Variants in UNC5D observed in about 807,000 individuals in gnomAD.
UNC5D encodes netrin receptor UNC5D.
UNC5D carries 39 observed loss-of-function variants against 105.4 expected under a neutral mutation model. That is an observed-to-expected ratio of 0.37 (90% CI 0.29 to 0.48). The LOEUF (loss-of-function observed/expected upper bound fraction) is 0.48, where lower values mean the gene tolerates loss of function less well. UNC5D is among the 20% of genes least tolerant of loss of function. The pLI is 0.98. For synonymous variants in UNC5D, 452 were observed against 450.4 expected, an observed-to-expected ratio of 1.00 and a Z score of -0.04; for missense variants, 991 against 1,202.4, an observed-to-expected ratio of 0.82 and a Z score of 2.60.
chr8:35,648,455 G>A (rs1204104345), intron 4 of UNC5D, among the ~76,000 whole-genome samples: 1 of 152,076 alleles, frequency 6.6e-6, no homozygotes, highest in Admixed American at 6.5e-5. Flanking sequence ...AAGGTGGGCA[G>A]ATCACCTGAG....
At chr8:35,306,223 G>A (rs1007290095) in intron 1 of UNC5D, among the ~76,000 whole-genome samples, 2 of 151,974 alleles carry the variant, frequency 1.3e-5, no homozygotes, top group Non-Finnish European at 2.9e-5. Context: ...ATGTGTGTGT[G>A]TGTGTGCGCG....
chr8:35,722,962 G>A (rs1468813176), intron 9 of UNC5D, among the ~76,000 whole-genome samples: 1 of 151,260 alleles, frequency 6.6e-6, no homozygotes, highest in Non-Finnish European at 1.5e-5. Flanking sequence ...TGTGGGGGAA[G>A]GAAAATCTAT....
chr8:35,331,648 C>T (rs944375041), intron 1 of UNC5D, among the ~76,000 whole-genome samples: 1 of 152,108 alleles, frequency 6.6e-6, no homozygotes, highest in Non-Finnish European at 1.5e-5. Context: ...ACACAGAAAT[C>T]TTTTTAATGT....
chr8:35,677,080 A>G (rs1181126460), intron 4 of UNC5D, among the ~76,000 whole-genome samples: 1 of 152,130 alleles, frequency 6.6e-6, no homozygotes, highest in African/African-American at 2.4e-5. Flanking sequence ...GTGGCTACAC[A>G]TTTACACAGG....
chr8:35,406,056 T>A lies in UNC5D; in HGVS notation c.104-143236T>A, dbSNP rs542125440. On this transcript the variant is annotated intron_variant, in intron 1 of 16. Transcript: ENST00000404895. ...ATTATGGACTACAAATAACTAAATG[T>A]GTTTAATGAGATTCTTTGATTTTTC... Among the ~76,000 whole-genome samples, 5 of 152,312 alleles carry A rather than the reference T, an allele frequency of 3.3e-5. No homozygotes were observed. The East Asian group carries it at 9.7e-4, about 29-fold the overall frequency.
chr8:35,347,788 T>C (rs141450592), intron 1 of UNC5D, among the ~76,000 whole-genome samples: 1 of 152,094 alleles, frequency 6.6e-6, no homozygotes, highest in East Asian at 1.9e-4. Context: ...TGTATGAGAA[T>C]TTTAACTCTG....
intron 3 of UNC5D, among the ~76,000 whole-genome samples, chr8:35,592,803 G>C (rs1196589312): frequency 6.6e-6 from 1 of 152,058 alleles, no homozygotes; most frequent in African/African-American, 2.4e-5. Flanking sequence ...TAGTGCCCTA[G>C]TTGTTCCCTG....
chr8:35,394,041 CT>C (rs1030034182), intron 1 of UNC5D, among the ~76,000 whole-genome samples: 3 of 149,824 alleles, frequency 2.0e-5, no homozygotes, highest in East Asian at 2.0e-4. Flanking sequence ...TATCTTTTTC[CT>C]TTTTTTTCTC....
chr8:35,257,920 T>C (rs761094294), intron 1 of UNC5D, among the ~76,000 whole-genome samples: 19 of 152,260 alleles, frequency 1.2e-4, no homozygotes, highest in Non-Finnish European at 2.5e-4. Flanking sequence ...TCTAAATTTA[T>C]TCATTTTCAA....
intron 4 of UNC5D, among the ~76,000 whole-genome samples, chr8:35,646,772 A>C (rs1253553611): frequency 6.6e-6 from 1 of 152,132 alleles, no homozygotes; most frequent in Non-Finnish European, 1.5e-5. Context: ...TTAATCATAA[A>C]TATGTTTCCA....
chr8:35,587,212 G>A (rs1022455413), intron 3 of UNC5D, among the ~76,000 whole-genome samples: 1 of 152,154 alleles, frequency 6.6e-6, no homozygotes, highest in Non-Finnish European at 1.5e-5. Flanking sequence ...ACAGGGTGAT[G>A]TGGTGAAGAA....
chr8:35,248,108 TA>T lies in UNC5D; in HGVS notation c.103+12227del, dbSNP rs1439900384. ...ATAATATATAAATATATATTATATA[TA>T]AAAAATATAATATATAAATATATAT... On this transcript the variant is annotated intron_variant, in intron 1 of 16. Coordinates refer to ENST00000404895, the MANE Select transcript of UNC5D (RefSeq NM_080872.4). Among the ~76,000 whole-genome samples the T allele has an allele frequency of 1.4e-4, 9 of 63,024 alleles. 1 individual carries two copies. Among genetic ancestry groups the T allele is most frequent in the South Asian group, 5.6e-4 (1 of 1,784 alleles). 41.3% of individuals were successfully genotyped at this position (63,024 alleles called of 152,430 possible). A position where few individuals can be genotyped will look rare whatever the true frequency, so the allele number is the denominator to read the frequency against.
chr8:35,459,982 G>A (rs540924117), intron 1 of UNC5D, among the ~76,000 whole-genome samples: 14 of 152,250 alleles, frequency 9.2e-5, no homozygotes, highest in Admixed American at 2.0e-4. Flanking sequence ...TCGGCTCCAC[G>A]ATTCATCATC....
chr8:35,396,929 T>C (rs976195784), intron 1 of UNC5D, among the ~76,000 whole-genome samples: 1 of 152,050 alleles, frequency 6.6e-6, no homozygotes, highest in African/African-American at 2.4e-5. Flanking sequence ...TTTTTTGTTA[T>C]TTTGAGATGG....
chr8:35,533,581 C>G (rs549084634), intron 1 of UNC5D, among the ~76,000 whole-genome samples: 12 of 152,352 alleles, frequency 7.9e-5, no homozygotes, highest in South Asian at 2.1e-4. Context: ...CCACCCAATT[C>G]GAGCTTCCTG....
Position 35,790,896 on chromosome 8 carries a change from T to C in UNC5D, c.*333T>C. 3.0e-6 allele frequency: 1 copy of C among 329,676 alleles called. No individual in the cohort carries two copies. The highest frequency in any genetic ancestry group is 5.7e-6 in the Non-Finnish European group (1 of 176,442). 20.4% of individuals were successfully genotyped at this position (329,676 alleles called of 1,614,324 possible). On this transcript the variant is annotated 3_prime_UTR_variant, in exon 17 of 17. Coordinates refer to ENST00000404895, the MANE Select transcript of UNC5D (RefSeq NM_080872.4). ...ATAATGCTGGGAAGGCAGAGATTGATTAAGTGCATGCTTTGAAATAGGTTT... is the reference window on the plus strand; with the variant it reads ...ATAATGCTGGGAAGGCAGAGATTGACTAAGTGCATGCTTTGAAATAGGTTT...
At chr8:35,278,056 C>A (rs1008641051) in intron 1 of UNC5D, among the ~76,000 whole-genome samples, 2 of 152,140 alleles carry the variant, frequency 1.3e-5, no homozygotes, top group South Asian at 2.1e-4. Context: ...TTAGCCTCCC[C>A]CTTCCTTTCC....
intron 11 of UNC5D, among the ~76,000 whole-genome samples, chr8:35,742,101 G>C: frequency 6.6e-6 from 1 of 152,144 alleles, no homozygotes; most frequent in East Asian, 1.9e-4. Flanking sequence ...ATTACCAGAA[G>C]TAGAAGACAT....
intron 1 of UNC5D, among the ~76,000 whole-genome samples, chr8:35,517,848 G>A (rs1390138744): frequency 6.6e-6 from 1 of 152,116 alleles, no homozygotes; most frequent in Non-Finnish European, 1.5e-5. Flanking sequence ...CAGTTTCAGT[G>A]TCTGGTGCAG....
Sources: gnomAD v4.1 joint callset for allele counts (sites outside exome capture counted in the v4.1 genomes callset) on GRCh38, gnomAD v4.1.1 for gene constraint, MANE v1.5 for transcripts, NCBI Gene and HGNC (gene_info 2026-07-23, HGNC 2026-07-21) for gene names.